Variants in CHMP1A observed in about 807,000 individuals in gnomAD.
The protein encoded by CHMP1A is VPS46 homolog A.
A neutral mutation model predicts 27.0 loss-of-function variants in CHMP1A; 17 were observed. The ratio of observed to expected loss-of-function variants is 0.63; its 90% CI spans 0.43 to 0.95. CHMP1A has a LOEUF of 0.95. Among genes scored for constraint, CHMP1A ranks in the 40% least tolerant of loss-of-function variants. CHMP1A has a pLI of 0.00. For missense variants in CHMP1A, 275 were observed against 264.0 expected, an observed-to-expected ratio of 1.04 and a Z score of -0.29; for synonymous variants, 131 against 107.5, an observed-to-expected ratio of 1.22 and a Z score of -1.35.
intron 4 of CHMP1A, chr16:89,649,040 A>G: frequency 7.4e-6 from 2 of 270,616 alleles, no homozygotes; most frequent in Non-Finnish European, 1.4e-5. Context: ...TATATATTTA[A>G]AAAAAAAAAA....
intron 5 of CHMP1A, 40 bp downstream of exon 5, chr16:89,647,163 T>C (rs1299836879): frequency 6.2e-6 from 10 of 1,601,358 alleles, no homozygotes; most frequent in Non-Finnish European, 8.5e-6. Flanking sequence ...CACACGCTCC[T>C]TGTCCCCAGG....
chr16:89,647,404 C>G, intron 4 of CHMP1A, 73 bp from the exon 5 acceptor site: 3 of 1,462,054 alleles, frequency 2.1e-6, no homozygotes, highest in East Asian at 2.3e-5. Flanking sequence ...GACGGGTCCC[C>G]TGGACTCTGA....
rs141704543 is a variant in CHMP1A at position 89,644,668 on chromosome 16, T to A, written c.*1398A>T. 6.6e-6 allele frequency: 1 copy of A among 152,214 alleles called. No homozygotes were observed. The highest frequency in any genetic ancestry group is 2.4e-5 in the African/African-American group (1 of 41,438). 9.4% of individuals were successfully genotyped at this position (152,214 alleles called of 1,614,324 possible). A position where few individuals can be genotyped will look rare whatever the true frequency, so the allele number is the denominator to read the frequency against. On this transcript the variant is annotated 3_prime_UTR_variant, in exon 7 of 7. Transcript: ENST00000397901. ...AACCACGTCTAGGACCTACCAACAC[T>A]AGCCCCTCCCTGGGGGCTCCCAAGT...
At chr16:89,651,480 T>C in intron 3 of CHMP1A, 89 bp downstream of exon 3, 2 of 1,272,046 alleles carry the variant, frequency 1.6e-6, no homozygotes, top group South Asian at 1.3e-5. Context: ...CCAAAAGGCA[T>C]CAAAACAAAA....
intron 2 of CHMP1A, among the ~76,000 whole-genome samples, chr16:89,653,358 C>G (rs555549513): frequency 2.0e-5 from 3 of 148,186 alleles, no homozygotes; most frequent in Non-Finnish European, 4.5e-5. Context: ...CAGTGGCTCA[C>G]GCCTGTAATC....
rs200323717 is a variant in CHMP1A, at chr16:89,649,353, C to T, written c.250G>A (p.Gly84Arg). 8.7e-6 allele frequency: 14 copies of T among 1,611,856 alleles called. No individual in the cohort carries two copies. Among genetic ancestry groups the T allele is most frequent in the Admixed American group, 3.3e-5 (2 of 59,968 alleles). ...SKVQTAVTMK[G>R]VTKNMAQVTK... ...CAGCACCAGGGCCCAGCACTCACCC[C>T]CTTCATAGTCACAGCTGTCTGCACC... Residue 84 changes from glycine (G) to arginine (R), a missense_variant and splice_region_variant, in exon 4 of 7, where the codon GGG becomes AGG. Gly to Arg is a moderately radical substitution (Grantham distance 125). Transcript: ENST00000397901.
At chr16:89,656,695 G>C (rs1454618032) in intron 1 of CHMP1A, among the ~76,000 whole-genome samples, 1 of 152,208 alleles carries the variant, frequency 6.6e-6, no homozygotes, top group Admixed American at 6.5e-5. Flanking sequence ...TGGCACTCAG[G>C]GAGCGCTTTC....
intron 4 of CHMP1A, 78 bp from the exon 5 acceptor site, chr16:89,647,409 C>A: frequency 7.0e-7 from 1 of 1,419,748 alleles, no homozygotes; most frequent in Non-Finnish European, 9.6e-7. Flanking sequence ...GTCCCCTGGA[C>A]TCTGACAGGA....
At chr16:89,652,469 C>A (rs1175538009) in intron 2 of CHMP1A, among the ~76,000 whole-genome samples, 2 of 149,118 alleles carry the variant, frequency 1.3e-5, no homozygotes, top group African/African-American at 4.9e-5. Context: ...TCTGGAACCA[C>A]AGACGCCCTG....
chr16:89,654,656 T>A (rs2059850443), intron 1 of CHMP1A, among the ~76,000 whole-genome samples: 1 of 151,420 alleles, frequency 6.6e-6, no homozygotes, highest in Non-Finnish European at 1.5e-5. Flanking sequence ...AAATATATAT[T>A]TTTTTGCCGG....
chr16:89,649,727 C>T (rs1247398848), intron 3 of CHMP1A: 3 of 501,596 alleles, frequency 6.0e-6, no homozygotes, highest in Non-Finnish European at 1.1e-5. Flanking sequence ...AGGCGCCCGC[C>T]ACCATGCCTG....
At chr16:89,655,178 T>TATC (rs922922151) in intron 1 of CHMP1A, among the ~76,000 whole-genome samples, 1 of 152,088 alleles carries the variant, frequency 6.6e-6, no homozygotes, top group Admixed American at 6.5e-5. Flanking sequence ...TCGTTCAATC[T>TATC]ATCGCCTGTC....
chr16:89,657,537 C>A, intron 1 of CHMP1A, 45 bp downstream of exon 1: 1 of 1,607,200 alleles, frequency 6.2e-7, no homozygotes, highest in Non-Finnish European at 8.5e-7. Flanking sequence ...GAGAAGCGGC[C>A]CCGCCCCGCG....
At chr16:89,657,204 A>G (rs1288947096) in intron 1 of CHMP1A, among the ~76,000 whole-genome samples, 16 of 89,132 alleles carry the variant, frequency 1.8e-4, no homozygotes, top group Non-Finnish European at 2.3e-5. Flanking sequence ...GGTCGGTGGT[A>G]GAGGCCCTGG....
rs557671929 is a variant in CHMP1A at position 89,648,414 on chromosome 16, C to T, written c.252+937G>A. 1.7e-4 allele frequency among the ~76,000 whole-genome samples: 25 copies of T among 147,256 alleles called. 4 individuals are homozygous for T. Among genetic ancestry groups the T allele is most frequent in the Admixed American group, 2.1e-4 (3 of 14,558 alleles). On this transcript the variant is annotated intron_variant, in intron 4 of 6. Transcript: ENST00000397901. ...AGGCCGCCGACGTGGGGACCCAGCG[C>T]GGGGTCGGTGGAGAAAAGGCCGCCG... is the stretch of plus-strand genomic sequence containing the variant.
At chr16:89,654,060 G>C in intron 1 of CHMP1A, 137 bp from the exon 2 acceptor site, 1 of 922,224 alleles carries the variant, frequency 1.1e-6, no homozygotes, top group Non-Finnish European at 1.8e-6. Context: ...TGGGGCCTTC[G>C]GGGAGCCCCC....
rs570063136 is a variant in CHMP1A, at chr16:89,653,339, G to A, written c.27+565C>T. On this transcript the variant is annotated intron_variant, in intron 2 of 6. Coordinates refer to ENST00000397901, the MANE Select transcript of CHMP1A (RefSeq NM_002768.5). ...TTGTCTTTCTTAAGATAACACTCCG[G>A]GCCAGGCACAGTGGCTCACGCCTGT... Among the ~76,000 whole-genome samples the A allele has an allele frequency of 4.8e-5, 7 of 146,488 alleles. No individual in the cohort carries two copies. In the East Asian group the frequency reaches 1.5e-3, roughly 32 times the overall value.
intron 2 of CHMP1A, among the ~76,000 whole-genome samples, chr16:89,653,118 C>T (rs986779378): frequency 2.7e-5 from 4 of 149,174 alleles, no homozygotes; most frequent in Admixed American, 6.7e-5. Flanking sequence ...CCCAGGTTCA[C>T]GCCATTCTCC....
At chr16:89,653,409 A>G (rs994071347) in intron 2 of CHMP1A, among the ~76,000 whole-genome samples, 20 of 150,012 alleles carry the variant, frequency 1.3e-4, no homozygotes, top group Non-Finnish European at 2.5e-4. Context: ...TCACGAGGTG[A>G]AGAGATCGAG....
Sources: gnomAD v4.1 joint callset for allele counts (sites outside exome capture counted in the v4.1 genomes callset) on GRCh38, gnomAD v4.1.1 for gene constraint, MANE v1.5 for transcripts, NCBI Gene and HGNC (gene_info 2026-07-23, HGNC 2026-07-21) for gene names.